MAP4K4: variants seen among roughly 807,000 people sequenced by gnomAD.
MAP4K4 encodes the protein mitogen-activated protein kinase kinase kinase kinase 4.
MAP4K4 carries 38 observed loss-of-function variants against 189.6 expected under a neutral mutation model. The ratio of observed to expected loss-of-function variants is 0.20; its 90% confidence interval spans 0.15 to 0.26. The LOEUF (loss-of-function observed/expected upper bound fraction) is 0.26, where lower values mean the gene tolerates loss of function less well. Ranked by LOEUF, MAP4K4 falls within the 10% of genes least tolerant of loss-of-function variation. The probability of loss-of-function intolerance (pLI) is 1.00; values close to 1 mark genes in which losing one functional copy is unlikely to be tolerated. For synonymous variants in MAP4K4, 610 were observed against 624.3 expected (o/e 0.98, Z 0.34); for missense variants, 1,054 against 1,726.9 (o/e 0.61, Z 6.91).
At chr2:101,806,625 G>A (rs1311799024) in intron 3 of MAP4K4, among the ~76,000 whole-genome samples, 5 of 152,142 alleles carry the variant, frequency 3.3e-5, no homozygotes, top group South Asian at 4.1e-4. Flanking sequence ...TGATCCGCCC[G>A]CCTTGGCCTC....
intron 9 of MAP4K4, among the ~76,000 whole-genome samples, chr2:101,836,776 C>A (rs527241998): frequency 6.8e-4 from 103 of 152,256 alleles, no homozygotes; most frequent in South Asian, 4.3e-3. Context: ...GTCACTTTTC[C>A]TTCTCCTTGT....
intron 2 of MAP4K4, among the ~76,000 whole-genome samples, chr2:101,781,721 A>G (rs377645738): frequency 1.3e-5 from 2 of 152,324 alleles, no homozygotes; most frequent in Non-Finnish European, 1.5e-5. Flanking sequence ...CTTTGGGGAC[A>G]TTCAAACCAT....
chr2:101,869,539 C>A, intron 21 of MAP4K4, 83 bp from the exon 22 acceptor site: 3 of 1,087,788 alleles, frequency 2.8e-6, no homozygotes, highest in Non-Finnish European at 4.1e-6. Context: ...GACATTGTGG[C>A]AATTTATGGT....
intron 12 of MAP4K4, among the ~76,000 whole-genome samples, chr2:101,852,809 T>C (rs1241405375): frequency 4.6e-5 from 7 of 152,276 alleles, no homozygotes; most frequent in South Asian, 4.1e-4. Context: ...GGTGCAGATA[T>C]ATGCTACCTG....
At chr2:101,744,092 G>A (rs1018111653) in intron 2 of MAP4K4, among the ~76,000 whole-genome samples, 5 of 152,278 alleles carry the variant, frequency 3.3e-5, no homozygotes, top group Non-Finnish European at 7.4e-5. Context: ...AGATTAGCGT[G>A]AAACTTGTCT....
intron 3 of MAP4K4, among the ~76,000 whole-genome samples, chr2:101,805,150 C>T (rs1446480940): frequency 1.3e-5 from 2 of 149,360 alleles, no homozygotes; most frequent in South Asian, 2.1e-4. Context: ...GAAAAGTACA[C>T]AAATTATAAA....
At chr2:101,891,297 T>C (rs989380701) in exon 33 of MAP4K4, 20 of 1,525,408 alleles carry the variant, frequency 1.3e-5, no homozygotes, top group Non-Finnish European at 1.7e-5. Context: ...TTCAAGATCC[T>C]GAGAACTTGG....
chr2:101,888,787 C>T lies in MAP4K4; in HGVS notation c.3932-9C>T. On this transcript the variant is annotated splice_polypyrimidine_tract_variant and intron_variant, in intron 31 of 32. Coordinates refer to ENST00000324219, the Ensembl canonical transcript of MAP4K4. ...CTTTAACGGTTTGCAATTTTTCCCT[C>T]CCCAAAAGCATATATTCGATCCAAT... 2 of 1,585,840 alleles carry T rather than the reference C, an allele frequency of 1.3e-6. No homozygotes were observed. The highest frequency in any genetic ancestry group is 8.6e-7 in the Non-Finnish European group (1 of 1,168,142).
chr2:101,719,553 G>A (rs1481951091), intron 2 of MAP4K4, among the ~76,000 whole-genome samples: 1 of 152,174 alleles, frequency 6.6e-6, no homozygotes, highest in Non-Finnish European at 1.5e-5. Flanking sequence ...AGGAAAGAGG[G>A]GGAAAGTGGG....
At position 101,780,374 on chromosome 2, in the gene MAP4K4, A is replaced by G. The variant is rs188112452; in HGVS notation, c.124-10346A>G. Among the ~76,000 whole-genome samples the G allele has an allele frequency of 1.3e-3, 192 of 152,324 alleles. 1 individual carries two copies. Among genetic ancestry groups the G allele is most frequent in the African/African-American group, 4.5e-3 (188 of 41,578 alleles). On this transcript the variant is annotated intron_variant, in intron 2 of 32. Coordinates refer to ENST00000324219, the Ensembl canonical transcript of MAP4K4. ...GTGATGCTTGAAGTGATATTTCAAT[A>G]TTGAAGTTATACTGTGGATATAATT...
In MAP4K4 at chr2:101,751,204, T is replaced by C. The variant is rs184527459; in HGVS notation, c.124-39516T>C. On this transcript the variant is annotated intron_variant, in intron 2 of 32. Coordinates refer to ENST00000324219, the Ensembl canonical transcript of MAP4K4. Reference sequence around the variant, plus strand: ...ACAGTTGTACATACACACATTCTTATCAGGTGAAGAAGCATGAAGTTAACT... The same window carrying C: ...ACAGTTGTACATACACACATTCTTACCAGGTGAAGAAGCATGAAGTTAACT... Among the ~76,000 whole-genome samples the C allele has an allele frequency of 1.1e-3, 161 of 152,324 alleles. 2 individuals are homozygous for C. The highest frequency in any genetic ancestry group is 3.7e-3 in the African/African-American group (153 of 41,572).
chr2:101,859,930 T>C (rs1252806152), intron 15 of MAP4K4, 66 bp downstream of exon 15: 3 of 1,438,420 alleles, frequency 2.1e-6, no homozygotes, highest in Non-Finnish European at 1.9e-6. Flanking sequence ...TTCAGAACTG[T>C]GTCATATGAG....
intron 5 of MAP4K4, among the ~76,000 whole-genome samples, chr2:101,828,965 A>G (rs1016360316): frequency 2.0e-5 from 3 of 152,242 alleles, no homozygotes; most frequent in Non-Finnish European, 2.9e-5. Flanking sequence ...TTATTTGAAC[A>G]CAAGGCTCTT....
At chr2:101,806,838 A>G (rs1027109398) in intron 3 of MAP4K4, among the ~76,000 whole-genome samples, 1 of 152,170 alleles carries the variant, frequency 6.6e-6, no homozygotes, top group Admixed American at 6.5e-5. Context: ...TGATTTGGAA[A>G]GTGACTGTAC....
chr2:101,763,165 C>T (rs2150209085), intron 2 of MAP4K4, among the ~76,000 whole-genome samples: 1 of 152,232 alleles, frequency 6.6e-6, no homozygotes, highest in African/African-American at 2.4e-5. Flanking sequence ...GCACAGTCTT[C>T]CAGGAAAGAA....
intron 2 of MAP4K4, among the ~76,000 whole-genome samples, chr2:101,724,589 G>A (rs2054159259): frequency 6.6e-6 from 1 of 152,196 alleles, no homozygotes; most frequent in African/African-American, 2.4e-5. Context: ...ACTTGGTTTG[G>A]TATTTCTGCC....
chr2:101,799,022 G>A (rs749918290), intron 3 of MAP4K4, among the ~76,000 whole-genome samples: 8 of 152,158 alleles, frequency 5.3e-5, no homozygotes, highest in South Asian at 2.1e-4. Flanking sequence ...AATTGTCACT[G>A]AACTAATAAA....
chr2:101,767,486 C>A (rs1278557975), intron 2 of MAP4K4, among the ~76,000 whole-genome samples: 1 of 152,138 alleles, frequency 6.6e-6, no homozygotes, highest in Admixed American at 6.5e-5. Context: ...AAGACTCTTC[C>A]TTCTGTATGA....
At chr2:101,732,786 A>G (rs2059023580) in intron 2 of MAP4K4, among the ~76,000 whole-genome samples, 2 of 152,170 alleles carry the variant, frequency 1.3e-5, no homozygotes, top group African/African-American at 4.8e-5. Flanking sequence ...ACAGGGTTTC[A>G]CCATGTTGGA....
Sources: gnomAD v4.1 joint callset for allele counts (sites outside exome capture counted in the v4.1 genomes callset) on GRCh38, gnomAD v4.1.1 for gene constraint, MANE v1.5 for transcripts, NCBI Gene and HGNC (gene_info 2026-07-23, HGNC 2026-07-21) for gene names.